BTBD8: variants seen among roughly 807,000 people sequenced by gnomAD.
BTBD8 encodes the protein BTB domain containing 8.
Under a neutral mutation model 162.9 loss-of-function variants are expected in BTBD8, and 110 were observed. That is an observed-to-expected ratio of 0.68 (90% CI 0.58 to 0.79). The LOEUF (loss-of-function observed/expected upper bound fraction) is 0.79, where lower values mean the gene tolerates loss of function less well. Among genes scored for constraint, BTBD8 ranks in the 30% least tolerant of loss-of-function variants. BTBD8 has a pLI of 0.00. For missense variants in BTBD8, 1,905 were observed against 2,085.4 expected (o/e 0.91, Z 1.68); for synonymous variants, 667 against 716.1 (o/e 0.93, Z 1.10).
At position 92,171,044 on chromosome 1, in the gene BTBD8, T is replaced by C. The variant is rs550139807; in HGVS notation, c.1574-355T>C. ...AGAATGTTACATTTGCTATAATCTGTAATTTTTTGTAATTTGGAGAACTAA... is the reference window on the plus strand; with the variant it reads ...AGAATGTTACATTTGCTATAATCTGCAATTTTTTGTAATTTGGAGAACTAA... On this transcript the variant is annotated intron_variant, in intron 12 of 17. Coordinates refer to ENST00000636805, the MANE Select transcript of BTBD8 (RefSeq NM_001376131.1). Among the ~76,000 whole-genome samples, 4 of 152,108 alleles carry C rather than the reference T, an allele frequency of 2.6e-5. No individual in the cohort carries two copies. In the East Asian group the frequency reaches 7.7e-4, roughly 29 times the overall value.
At chr1:92,091,232 T>C (rs1257454444) in intron 2 of BTBD8, among the ~76,000 whole-genome samples, 1 of 152,148 alleles carries the variant, frequency 6.6e-6, no homozygotes, top group Non-Finnish European at 1.5e-5. Flanking sequence ...CTCCTCCTTG[T>C]TCTCTAGAGC....
At chr1:92,129,389 TG>T (rs1383185324) in intron 4 of BTBD8, among the ~76,000 whole-genome samples, 1 of 151,856 alleles carries the variant, frequency 6.6e-6, no homozygotes, top group African/African-American at 2.4e-5. Context: ...GAGGCTGAGG[TG>T]GGAGGATCAT....
intron 2 of BTBD8, among the ~76,000 whole-genome samples, chr1:92,098,928 T>G (rs988127384): frequency 1.3e-5 from 2 of 152,244 alleles, no homozygotes; most frequent in African/African-American, 4.8e-5. Context: ...ATTTCCACTT[T>G]ATCTTTTCTT....
At chr1:92,146,875 C>G (rs1649936910) in intron 7 of BTBD8, among the ~76,000 whole-genome samples, 1 of 152,078 alleles carries the variant, frequency 6.6e-6, no homozygotes, top group Admixed American at 6.6e-5. Context: ...AACATGGTTG[C>G]TTCCAAGTTT....
At chr1:92,157,691 T>G (rs887905038) in intron 9 of BTBD8, among the ~76,000 whole-genome samples, 1 of 150,328 alleles carries the variant, frequency 6.7e-6, no homozygotes, top group Non-Finnish European at 1.5e-5. Flanking sequence ...AGGGATAGGG[T>G]CTTGCTGTGT....
Position 92,183,855 on chromosome 1 carries a change from T to G in BTBD8, c.4913-9T>G, listed in dbSNP as rs1009893145. ...TTTTTACATTGTGTAGTATTATGAATTATTTCAGGAGACATAGATGATTGT... is the reference window on the plus strand; with the variant it reads ...TTTTTACATTGTGTAGTATTATGAAGTATTTCAGGAGACATAGATGATTGT... On this transcript the variant is annotated splice_polypyrimidine_tract_variant and intron_variant, in intron 17 of 17. Transcript: ENST00000636805. 1.3e-6 allele frequency: 2 copies of G among 1,538,738 alleles called. No homozygotes were observed. Among genetic ancestry groups the G allele is most frequent in the African/African-American group, 2.8e-5 (2 of 72,314 alleles).
intron 5 of BTBD8, among the ~76,000 whole-genome samples, chr1:92,134,830 C>G (rs1649592964): frequency 6.6e-6 from 1 of 151,450 alleles, no homozygotes; most frequent in African/African-American, 2.4e-5. Context: ...CACATAGGAG[C>G]CTGAAACTTT....
chr1:92,080,861 A>G (rs954942855), intron 1 of BTBD8, 141 bp downstream of exon 1: 6 of 1,338,802 alleles, frequency 4.5e-6, no homozygotes, highest in Middle Eastern at 2.4e-4. Flanking sequence ...GTCGTTAGCC[A>G]GTCTCCCCAC....
rs1406758944 is a variant in BTBD8, at chr1:92,181,749, G to T, written c.4066G>T (p.Val1356Phe). The stretch of plus-strand genomic sequence containing the variant: ...AGAAATTTGGTCTCGATCTGCAATA[G>T]TTCACTCTAGGGAAAGAGAAAATAT... Reference protein sequence around the residue: ...RPEIWSRSAIVHSRERENIPR... With the variant: ...RPEIWSRSAIFHSRERENIPR... Residue 1356 changes from valine (V) to phenylalanine (F), a missense_variant, in exon 17 of 18, where the codon GTT becomes TTT. Physicochemically the swap from Val to Phe is conservative, Grantham distance 50 (BLOSUM62 -1). Transcript: ENST00000636805. 1 of 1,551,358 alleles carries T rather than the reference G, an allele frequency of 6.4e-7. No homozygotes were observed. Among genetic ancestry groups the T allele is most frequent in the African/African-American group, 1.4e-5 (1 of 73,042 alleles).
At chr1:92,127,626 G>A (rs1273200765) in intron 4 of BTBD8, among the ~76,000 whole-genome samples, 1 of 152,142 alleles carries the variant, frequency 6.6e-6, no homozygotes, top group Non-Finnish European at 1.5e-5. Context: ...CCAGGCTGGA[G>A]TGCAGTGGTG....
Position 92,129,769 on chromosome 1 carries a change from C to T in BTBD8, c.745C>T (p.Leu249Phe). The T allele has an allele frequency of 6.2e-7, 1 of 1,613,170 alleles. No homozygotes were observed. The highest frequency in any genetic ancestry group is 2.2e-5 in the East Asian group (1 of 44,850). ...TGAAAGCTCCCAAGAGTACGTTACT[C>T]TTCAAGGGTAAGCATATTTTTACAG... ...WAESSQEYVT[L>F]QGISHVELNV... is the part of the protein sequence containing the mutation. Residue 249 changes from leucine (L) to phenylalanine (F), a missense_variant, in exon 5 of 18, where the codon CTT becomes TTT. Coordinates refer to ENST00000636805, the MANE Select transcript of BTBD8 (RefSeq NM_001376131.1).
chr1:92,085,175 C>A lies in BTBD8; in HGVS notation c.150-3523C>A, dbSNP rs142289332. Among the ~76,000 whole-genome samples the A allele has an allele frequency of 3.2e-3, 481 of 152,318 alleles. 3 individuals are homozygous for A. Among genetic ancestry groups the A allele is most frequent in the African/African-American group, 0.011 (466 of 41,576 alleles). ...TATGTTTTAGTCATCTTTATGTTCC[C>A]AGTGCTTAGTACATAGTATGTGCTC... On this transcript the variant is annotated intron_variant, in intron 1 of 17. Transcript: ENST00000636805.
chr1:92,170,050 T>C (rs1474420268), intron 12 of BTBD8, among the ~76,000 whole-genome samples: 2 of 152,170 alleles, frequency 1.3e-5, no homozygotes, highest in African/African-American at 4.8e-5. Context: ...ATTCCTTCAG[T>C]AGGTGTCTTC....
Position 92,129,777 on chromosome 1 carries a change from G to A in BTBD8, c.752+1G>A, listed in dbSNP as rs755411488. ...CCCAAGAGTACGTTACTCTTCAAGG[G>A]TAAGCATATTTTTACAGGGCCATTT... On this transcript the variant is annotated splice_donor_variant, in intron 5 of 17. Coordinates refer to ENST00000636805, the MANE Select transcript of BTBD8 (RefSeq NM_001376131.1). LOFTEE classifies it high-confidence loss of function. The A allele has an allele frequency of 5.0e-6, 8 of 1,611,832 alleles. No individual in the cohort carries two copies. In the South Asian group the frequency reaches 5.5e-5, roughly 11 times the overall value.
intron 13 of BTBD8, among the ~76,000 whole-genome samples, chr1:92,171,799 G>T (rs1050792457): frequency 6.6e-6 from 1 of 152,150 alleles, no homozygotes; most frequent in African/African-American, 2.4e-5. Context: ...TCTTAAAAAA[G>T]AAGATTTTAG....
intron 4 of BTBD8, among the ~76,000 whole-genome samples, chr1:92,110,823 G>A (rs924693136): frequency 2.0e-5 from 3 of 152,078 alleles, no homozygotes; most frequent in Non-Finnish European, 2.9e-5. Flanking sequence ...GATTACAGTC[G>A]TGAGCTACCG....
chr1:92,164,186 A>G (rs1471147697), intron 9 of BTBD8, among the ~76,000 whole-genome samples: 3 of 152,206 alleles, frequency 2.0e-5, no homozygotes, highest in Admixed American at 2.0e-4. Flanking sequence ...AGAATATAAT[A>G]CATTTTTAAA....
intron 7 of BTBD8, among the ~76,000 whole-genome samples, chr1:92,144,653 T>A (rs1004584416): frequency 5.3e-4 from 80 of 151,412 alleles, no homozygotes; most frequent in African/African-American, 1.5e-3. Flanking sequence ...ACAAAAAATT[T>A]AAAAAAAATT....
intron 9 of BTBD8, among the ~76,000 whole-genome samples, chr1:92,151,834 A>G (rs1031690246): frequency 7.9e-5 from 12 of 152,196 alleles, no homozygotes; most frequent in African/African-American, 2.9e-4. Context: ...ATTATTTAGA[A>G]TAATAGCCTC....
Sources: allele counts gnomAD v4.1 joint callset (sites outside exome capture counted in the v4.1 genomes callset), GRCh38; gene constraint gnomAD v4.1.1; transcripts MANE v1.5; gene names NCBI Gene and HGNC (gene_info 2026-07-23, HGNC 2026-07-21).